Variants in SKAP1 observed in about 807,000 individuals in gnomAD.
The protein encoded by SKAP1 is src kinase associated phosphoprotein 1.
Under a neutral mutation model 58.5 loss-of-function variants are expected in SKAP1, and 44 were observed. The observed-to-expected ratio is 0.75, with a 90% CI of 0.59 to 0.97. The LOEUF (loss-of-function observed/expected upper bound fraction) is 0.97. Among genes scored for constraint, SKAP1 ranks in the 50% least tolerant of loss-of-function variants. SKAP1 has a pLI of 0.00. For synonymous variants in SKAP1, 127 were observed against 149.7 expected, an observed-to-expected ratio of 0.85 and a Z score of 1.11; for missense variants, 390 against 435.2, an observed-to-expected ratio of 0.90 and a Z score of 0.92.
At chr17:48,395,895 AG>A (rs2067412317) in intron 2 of SKAP1, among the ~76,000 whole-genome samples, 1 of 152,230 alleles carries the variant, frequency 6.6e-6, no homozygotes, top group Admixed American at 6.5e-5. Flanking sequence ...GCAGATACTA[AG>A]AACTGTCAGC....
chr17:48,313,620 G>A (rs567826508), intron 4 of SKAP1, among the ~76,000 whole-genome samples: 42 of 152,202 alleles, frequency 2.8e-4, no homozygotes, highest in African/African-American at 5.3e-4. Flanking sequence ...TTAGAAAGTC[G>A]TCACTAATCC....
chr17:48,153,476 C>G (rs208008), intron 11 of SKAP1, among the ~76,000 whole-genome samples: 1 of 152,116 alleles, frequency 6.6e-6, no homozygotes, highest in East Asian at 1.9e-4. Context: ...CTCCTAACTC[C>G]GTTGCCTCCC....
chr17:48,379,368 A>G (rs2067187256), intron 2 of SKAP1, among the ~76,000 whole-genome samples: 1 of 152,254 alleles, frequency 6.6e-6, no homozygotes, highest in African/African-American at 2.4e-5. Context: ...AATTAAAGAT[A>G]TAACATTATT....
At chr17:48,362,988 A>C (rs1289440679) in intron 3 of SKAP1, among the ~76,000 whole-genome samples, 3 of 152,202 alleles carry the variant, frequency 2.0e-5, no homozygotes, top group Non-Finnish European at 2.9e-5. Context: ...ATTTATAATA[A>C]ATTAAGATAA....
chr17:48,264,745 A>AACACAC (rs55733017), intron 4 of SKAP1, among the ~76,000 whole-genome samples: 3,666 of 142,804 alleles, frequency 0.026, 44 homozygotes, highest in Middle Eastern at 0.039. Context: ...AAATCTACAA[A>AACACAC]ACACACACAC....
At chr17:48,264,379 T>C (rs2065519237) in intron 4 of SKAP1, among the ~76,000 whole-genome samples, 1 of 152,196 alleles carries the variant, frequency 6.6e-6, no homozygotes, top group Non-Finnish European at 1.5e-5. Flanking sequence ...GAAATCCATT[T>C]AATGAGTTTA....
At chr17:48,234,003 A>G (rs1203748328) in intron 4 of SKAP1, among the ~76,000 whole-genome samples, 3 of 152,210 alleles carry the variant, frequency 2.0e-5, no homozygotes, top group African/African-American at 7.2e-5. Flanking sequence ...ATTTATCTCT[A>G]TAACTAGCAA....
intron 4 of SKAP1, among the ~76,000 whole-genome samples, chr17:48,296,733 T>C (rs2065979719): frequency 6.6e-6 from 1 of 152,100 alleles, no homozygotes; most frequent in Non-Finnish European, 1.5e-5. Context: ...TTCTCTCCAT[T>C]CCAGTCTTGG....
At chr17:48,261,108 G>T (rs187880168) in intron 4 of SKAP1, among the ~76,000 whole-genome samples, 49 of 152,200 alleles carry the variant, frequency 3.2e-4, no homozygotes, top group Admixed American at 2.4e-3. Context: ...GGATCTGAAC[G>T]ACCCCTAAGT....
rs35979686 is a variant in SKAP1, at chr17:48,197,257, C to CAAAAAAA, written c.281-7764_281-7758dup. Among the ~76,000 whole-genome samples, 3 of 97,580 alleles carry CAAAAAAA rather than the reference C, an allele frequency of 3.1e-5. 1 individual carries two copies. Among genetic ancestry groups the CAAAAAAA allele is most frequent in the Non-Finnish European group, 5.9e-5 (3 of 50,518 alleles). 64.0% of individuals were successfully genotyped at this position (97,580 alleles called of 152,430 possible). A position where few individuals can be genotyped will look rare whatever the true frequency, so the allele number is the denominator to read the frequency against. Reference sequence around the variant, plus strand: ...TAGGTGATAGAGCGAGACTCCGACTCAAAAAAAAAAAAAAAAAAAATGCTG... The same window carrying CAAAAAAA: ...TAGGTGATAGAGCGAGACTCCGACTCAAAAAAAAAAAAAAAAAAAAAAAAAAATGCTG... On this transcript the variant is annotated intron_variant, in intron 4 of 12. Coordinates refer to ENST00000336915, the MANE Select transcript of SKAP1 (RefSeq NM_003726.4).
intron 2 of SKAP1, chr17:48,377,238 A>G (rs2067161253): frequency 6.6e-6 from 1 of 152,158 alleles, no homozygotes; most frequent in Non-Finnish European, 1.5e-5. Flanking sequence ...TGAAATAACT[A>G]CCAGTTATCA....
intron 7 of SKAP1, among the ~76,000 whole-genome samples, chr17:48,182,989 T>TGAGA (rs1254831547): frequency 6.6e-6 from 1 of 152,106 alleles, no homozygotes; most frequent in Non-Finnish European, 1.5e-5. Flanking sequence ...AGAACAGGAA[T>TGAGA]GAGAACATGA....
the SKAP1 span, among the ~76,000 whole-genome samples, chr17:48,437,062 C>A: frequency 1.3e-5 from 2 of 152,170 alleles, no homozygotes; most frequent in Admixed American, 1.3e-4. Context: ...CATCCCTCTT[C>A]TTTCATTTCT....
chr17:48,444,291 TG>T, the SKAP1 span, among the ~76,000 whole-genome samples: 5 of 152,110 alleles, frequency 3.3e-5, no homozygotes, highest in Non-Finnish European at 7.4e-5. Context: ...TAACAGGGGC[TG>T]AGGCAGGAGA....
At chr17:48,401,416 C>T (rs1392396243) in intron 1 of SKAP1, among the ~76,000 whole-genome samples, 2 of 152,042 alleles carry the variant, frequency 1.3e-5, no homozygotes, top group Non-Finnish European at 1.5e-5. Context: ...ATGGTACTGG[C>T]ATAAGGACAG....
chr17:48,186,454 TTTTATTTATTTATTTA>T (rs58026898), intron 6 of SKAP1, among the ~76,000 whole-genome samples: 62 of 148,582 alleles, frequency 4.2e-4, no homozygotes, highest in African/African-American at 8.5e-4. Flanking sequence ...AAGCTGCAGT[TTTTATTTATTTATTTA>T]TTTATTTATT....
intron 4 of SKAP1, among the ~76,000 whole-genome samples, chr17:48,216,823 C>G (rs1381070539): frequency 6.6e-6 from 1 of 152,154 alleles, no homozygotes; most frequent in Non-Finnish European, 1.5e-5. Flanking sequence ...ATTTTGCCCT[C>G]TCTTTTGTCA....
In SKAP1 at chr17:48,392,875, A is replaced by T. The variant is rs544038247; in HGVS notation, c.152+3805T>A. Among the ~76,000 whole-genome samples, 601 of 147,814 alleles carry T rather than the reference A, an allele frequency of 4.1e-3. 3 individuals carry two copies. The highest frequency in any genetic ancestry group is 5.7e-3 in the Non-Finnish European group (381 of 67,128). The stretch of plus-strand genomic sequence containing the variant: ...GGTCTCAAAAAAAATATATATATAT[A>T]TATTTTTTTTTTCTTTACCCCTCCC... On this transcript the variant is annotated intron_variant, in intron 2 of 12. Coordinates refer to ENST00000336915, the MANE Select transcript of SKAP1 (RefSeq NM_003726.4).
In SKAP1 at chr17:48,254,511, T is replaced by C. The variant is rs111709320; in HGVS notation, c.281-65011A>G. Among the ~76,000 whole-genome samples the C allele has an allele frequency of 4.1e-3, 629 of 152,104 alleles. 8 individuals carry two copies. The highest frequency in any genetic ancestry group is 0.015 in the African/African-American group (603 of 41,488). ...AGTATAAATCCCAAGTGCACATATA[T>C]ATAGATGTATTGTTAAAGAGAAACA... On this transcript the variant is annotated intron_variant, in intron 4 of 12. Transcript: ENST00000336915.
Sources: allele counts gnomAD v4.1 joint callset (sites outside exome capture counted in the v4.1 genomes callset), GRCh38; gene constraint gnomAD v4.1.1; transcripts MANE v1.5; gene names NCBI Gene and HGNC (gene_info 2026-07-23, HGNC 2026-07-21).